The following FSCN3 variants were observed in gnomAD, a reference collection of about 807,000 sequenced individuals.
FSCN3 encodes the protein fascin-3.
FSCN3 carries 43 observed loss-of-function variants against 53.5 expected under a neutral mutation model. The ratio of observed to expected loss-of-function variants is 0.80; its 90% confidence interval spans 0.63 to 1.04. FSCN3 has a LOEUF of 1.04. FSCN3 is among the 50% of genes least tolerant of loss of function. The pLI, the probability that FSCN3 is intolerant of heterozygous loss-of-function variation, is 0.00. For synonymous variants in FSCN3, 235 were observed against 246.6 expected (o/e 0.95, Z 0.44); for missense variants, 594 against 646.5 (o/e 0.92, Z 0.88).
At chr7:127,599,813 C>G (rs868260361) in intron 5 of FSCN3, among the ~76,000 whole-genome samples, 1 of 151,754 alleles carries the variant, frequency 6.6e-6, no homozygotes, top group Non-Finnish European at 1.5e-5. Flanking sequence ...GGCGTGGTGG[C>G]GGGTGCCTGT....
chr7:127,594,088 A>ATGTG (rs10685553), intron 1 of FSCN3, 91 bp downstream of exon 1: 321 of 935,884 alleles, frequency 3.4e-4, no homozygotes, highest in South Asian at 2.4e-3. Context: ...GCGTGAGTGT[A>ATGTG]TGTGTGTGTG....
chr7:127,599,635 A>G, intron 5 of FSCN3, 84 bp downstream of exon 5: 5 of 1,319,528 alleles, frequency 3.8e-6, no homozygotes, highest in Non-Finnish European at 4.3e-6. Context: ...CCTGCCACTC[A>G]GGGCTTGCTC....
rs569040345 is a variant in FSCN3, at chr7:127,599,570, C to A, written c.1291+19C>A. On this transcript the variant is annotated intron_variant, in intron 5 of 6. Coordinates refer to ENST00000265825, the MANE Select transcript of FSCN3 (RefSeq NM_020369.3). ...TTCCAGGGTGAGTGGCTCCTCTTCC[C>A]TGCCCAAGGGTTCACAGTCTAGTCC... 231 of 1,611,994 alleles carry A rather than the reference C, an allele frequency of 1.4e-4. 1 individual carries two copies. Among genetic ancestry groups the A allele is most frequent in the Middle Eastern group, 8.4e-4 (5 of 5,952 alleles).
At position 127,596,364 on chromosome 7, in the gene FSCN3, G is replaced by A. The variant is rs184809311; in HGVS notation, c.878G>A (p.Arg293Gln). The change falls in exon 3 of 7, where the codon CGA becomes CAA. Residue 293 changes from arginine (R) to glutamine (Q), a missense_variant. Arg to Gln is a conservative substitution (Grantham distance 43). Transcript: ENST00000265825. ...EVRAASERLNRMSLFQFECDS... is the reference protein window; with the variant it reads ...EVRAASERLNQMSLFQFECDS... ...CGTGCTGCTTCTGAGCGCTTAAACC[G>A]AATGTCCTTGTTCCAGTTTGAATGT... 2.4e-5 allele frequency: 38 copies of A among 1,613,252 alleles called. No individual in the cohort carries two copies. Among genetic ancestry groups the A allele is most frequent in the South Asian group, 3.3e-5 (3 of 91,066 alleles).
chr7:127,597,313 T>G (rs1562956272), intron 3 of FSCN3, among the ~76,000 whole-genome samples: 1 of 152,226 alleles, frequency 6.6e-6, no homozygotes, highest in Non-Finnish European at 1.5e-5. Context: ...CTAAAGTGAT[T>G]ATACTATTTT....
chr7:127,598,399 C>G (rs1158172457), intron 3 of FSCN3, 36 bp from the exon 4 acceptor site: 1 of 1,595,978 alleles, frequency 6.3e-7, no homozygotes, highest in South Asian at 1.1e-5. Flanking sequence ...ATTGTCAGTC[C>G]TTACTCCTCA....
Position 127,599,403 on chromosome 7 carries a change from T to G in FSCN3, c.1143T>G (p.Ile381Met), listed in dbSNP as rs1794437342. 6.2e-7 allele frequency: 1 copy of G among 1,613,854 alleles called. No homozygotes were observed. Among genetic ancestry groups the G allele is most frequent in the Non-Finnish European group, 8.5e-7 (1 of 1,179,802 alleles). The change falls in exon 5 of 7, where the codon ATT (isoleucine) becomes ATG (methionine). Residue 381 changes from isoleucine (I) to methionine (M), a missense_variant. By Grantham distance (10) the Ile-to-Met change is conservative. Transcript: ENST00000265825. ...ILPGPNEEFG[I>M]LFANRSFLVL... ...CAGGCCCAAATGAGGAATTTGGGAT[T>G]TTATTTGCCAATCGCTCCTTCCTTG...
At chr7:127,597,413 G>C (rs372918063) in intron 3 of FSCN3, among the ~76,000 whole-genome samples, 2 of 151,962 alleles carry the variant, frequency 1.3e-5, no homozygotes, top group African/African-American at 4.8e-5. Flanking sequence ...TTTTATTTTA[G>C]CCACTCTAGT....
chr7:127,593,995 C>T lies in FSCN3; in HGVS notation c.142C>T (p.Gln48Ter). 6.2e-7 allele frequency: 1 copy of T among 1,612,796 alleles called. No individual in the cohort carries two copies. The highest frequency in any genetic ancestry group is 8.5e-7 in the Non-Finnish European group (1 of 1,179,530). ...AACTGCGAAGAGTTTGGGCAGGAGA[C>T]AGGTGACAAAGCAAACCCATGCTGG... ...TATAKSLGRRQTWEILVSNEH... is the reference protein window; with the variant it reads ...TATAKSLGRR The change falls in exon 1 of 7, where the codon CAG becomes TAG. Residue 48 changes from glutamine (Q) to a stop codon, truncating the protein, a stop_gained and splice_region_variant. Coordinates refer to ENST00000265825, the MANE Select transcript of FSCN3 (RefSeq NM_020369.3). LOFTEE classifies it high-confidence loss of function.
Position 127,595,875 on chromosome 7 carries a change from A to G in FSCN3, c.713A>G (p.Gln238Arg), listed in dbSNP as rs371774100. 1.2e-6 allele frequency: 2 copies of G among 1,613,640 alleles called. No homozygotes were observed. Among genetic ancestry groups the G allele is most frequent in the African/African-American group, 2.7e-5 (2 of 74,908 alleles). Residue 238 changes from glutamine (Q) to arginine (R), a missense_variant, in exon 2 of 7, where the codon CAG (glutamine) becomes CGG (arginine). Coordinates refer to ENST00000265825, the MANE Select transcript of FSCN3 (RefSeq NM_020369.3). ...CDGEGGMLYPQGTHLLLGMGC... is the reference protein window; with the variant it reads ...CDGEGGMLYPRGTHLLLGMGC... Reference sequence around the variant, plus strand: ...GGAGAAGGAGGCATGTTATATCCACAGGGCACGCATCTGCTCTTGGGCATG... The same window carrying G: ...GGAGAAGGAGGCATGTTATATCCACGGGGCACGCATCTGCTCTTGGGCATG...
chr7:127,594,545 T>C (rs1331009579), intron 1 of FSCN3: 1 of 471,056 alleles, frequency 2.1e-6, no homozygotes, highest in Non-Finnish European at 4.4e-6. Flanking sequence ...AGGGTGGTTG[T>C]GTCAGAAAGA....
At chr7:127,601,337 G>A (rs1489367355) in intron 6 of FSCN3, among the ~76,000 whole-genome samples, 1 of 152,166 alleles carries the variant, frequency 6.6e-6, no homozygotes, top group Non-Finnish European at 1.5e-5. Context: ...ACTCTTCAGG[G>A]CACCTTGTTG....
chr7:127,595,053 G>C, intron 1 of FSCN3: 1 of 583,590 alleles, frequency 1.7e-6, no homozygotes, highest in South Asian at 2.0e-5. Flanking sequence ...AGCTGAAGGA[G>C]GTAGACATCT....
chr7:127,595,536 G>A lies in FSCN3; in HGVS notation c.374G>A (p.Cys125Tyr). The part of the protein sequence containing the change: ...YLESNGKDVF[C>Y]TSHVLSAYHM... ...GAGTCCAATGGCAAGGACGTGTTTT[G>A]CACTTCCCACGTCCTCTCAGCTTAC... The change falls in exon 2 of 7, where the codon TGC becomes TAC. Residue 125 changes from cysteine to tyrosine, a missense_variant. Transcript: ENST00000265825. 3 of 1,614,118 alleles carry A rather than the reference G, an allele frequency of 1.9e-6. No homozygotes were observed. Among genetic ancestry groups the A allele is most frequent in the Non-Finnish European group, 2.5e-6 (3 of 1,179,986 alleles).
At chr7:127,600,556 A>T (rs1794458150) in intron 6 of FSCN3, among the ~76,000 whole-genome samples, 157 bp downstream of exon 6, 1 of 152,122 alleles carries the variant, frequency 6.6e-6, no homozygotes, top group Non-Finnish European at 1.5e-5. Context: ...TTTATTCCTA[A>T]TCTGTGCCAT....
chr7:127,598,371 G>T, intron 3 of FSCN3, 64 bp from the exon 4 acceptor site: 3 of 1,468,820 alleles, frequency 2.0e-6, no homozygotes, highest in Non-Finnish European at 1.9e-6. Context: ...GAATAAAACT[G>T]ATGGGAAGAA....
intron 2 of FSCN3, 95 bp downstream of exon 2, chr7:127,596,098 T>C: frequency 6.7e-7 from 1 of 1,484,758 alleles, no homozygotes; most frequent in Non-Finnish European, 8.9e-7. Flanking sequence ...TTGAGTCTGC[T>C]AATAAGGAAG....
In FSCN3 at chr7:127,595,299, G is replaced by A. The variant is rs1411084851; in HGVS notation, c.145-8G>A. The stretch of plus-strand genomic sequence containing the variant: ...TGATTTCCCTCTTCTCCCTCCTGAT[G>A]CCTCCAGACCTGGGAGATCTTGGTG... On this transcript the variant is annotated splice_polypyrimidine_tract_variant and splice_region_variant and intron_variant, in intron 1 of 6. Coordinates refer to ENST00000265825, the MANE Select transcript of FSCN3 (RefSeq NM_020369.3). The A allele has an allele frequency of 6.3e-7, 1 of 1,599,408 alleles. No homozygotes were observed. Among genetic ancestry groups the A allele is most frequent in the Non-Finnish European group, 8.5e-7 (1 of 1,171,180 alleles).
intron 1 of FSCN3, chr7:127,594,592 T>A (rs1368073429): frequency 2.1e-6 from 1 of 471,144 alleles, no homozygotes; most frequent in Non-Finnish European, 4.4e-6. Flanking sequence ...AGCAGAATTG[T>A]GGGCATCCAG....
Sources: allele counts gnomAD v4.1 joint callset (sites outside exome capture counted in the v4.1 genomes callset), GRCh38; gene constraint gnomAD v4.1.1; transcripts MANE v1.5; gene names NCBI Gene and HGNC (gene_info 2026-07-23, HGNC 2026-07-21).